RBFOX2: variants seen among roughly 807,000 people sequenced by gnomAD.
RBFOX2 encodes RNA binding fox-1 homolog 2.
In RBFOX2, 10 loss-of-function variants were observed where a neutral mutation model predicts 49.1. The ratio of observed to expected loss-of-function variants is 0.20; its 90% CI spans 0.13 to 0.35. The LOEUF is 0.35. Ranked by LOEUF, RBFOX2 falls within the 10% of genes least tolerant of loss-of-function variation. The pLI is 1.00. For synonymous variants in RBFOX2, 183 were observed against 187.4 expected (o/e 0.98, Z 0.19); for missense variants, 323 against 486.9 (o/e 0.66, Z 3.17).
At chr22:35,777,160 T>A (rs1211256580) in intron 4 of RBFOX2, among the ~76,000 whole-genome samples, 3 of 151,608 alleles carry the variant, frequency 2.0e-5, no homozygotes, top group African/African-American at 7.3e-5. Flanking sequence ...TACAGGCGTG[T>A]GCCACCAGGC....
chr22:35,894,978 TAA>T (rs397936423), intron 1 of RBFOX2, among the ~76,000 whole-genome samples: 4 of 135,598 alleles, frequency 2.9e-5, no homozygotes, highest in Admixed American at 7.3e-5. Flanking sequence ...TAAAAAATCC[TAA>T]AAAAAAAAAA....
chr22:35,889,161 G>C (rs1394078821), intron 1 of RBFOX2, among the ~76,000 whole-genome samples: 1 of 151,914 alleles, frequency 6.6e-6, no homozygotes, highest in South Asian at 2.1e-4. Context: ...TCTCAAAAAG[G>C]AAAAGAAAAG....
At chr22:35,885,191 C>G (rs1211174908) in intron 1 of RBFOX2, among the ~76,000 whole-genome samples, 1 of 151,992 alleles carries the variant, frequency 6.6e-6, no homozygotes, top group Non-Finnish European at 1.5e-5. Context: ...GAGGAGAACA[C>G]AGACACAGCA....
At chr22:36,012,009 T>C (rs1390379102) in intron 1 of RBFOX2, among the ~76,000 whole-genome samples, 1 of 152,174 alleles carries the variant, frequency 6.6e-6, no homozygotes, top group East Asian at 1.9e-4. Context: ...GATGATTTTA[T>C]ACTACCCACC....
chr22:35,797,210 A>G (rs887287302), intron 2 of RBFOX2, among the ~76,000 whole-genome samples: 2 of 152,140 alleles, frequency 1.3e-5, no homozygotes, highest in Non-Finnish European at 2.9e-5. Context: ...ATTTTTTGAA[A>G]TACATATATA....
chr22:35,827,091 T>A (rs913680528), intron 1 of RBFOX2, among the ~76,000 whole-genome samples: 2 of 152,252 alleles, frequency 1.3e-5, no homozygotes, highest in African/African-American at 4.8e-5. Context: ...TCTACTTATT[T>A]AGTTCTACAA....
chr22:35,928,115 C>G (rs1569494763), intron 1 of RBFOX2, among the ~76,000 whole-genome samples: 1 of 152,038 alleles, frequency 6.6e-6, no homozygotes, highest in Admixed American at 6.6e-5. Flanking sequence ...GGAATTATTC[C>G]TATTTCACAG....
chr22:35,849,154 TACA>T (rs1205847947), intron 1 of RBFOX2, among the ~76,000 whole-genome samples: 1 of 152,082 alleles, frequency 6.6e-6, no homozygotes, highest in Non-Finnish European at 1.5e-5. Context: ...TTCTGGAAAA[TACA>T]ACATTTGGAA....
rs1335661576 is a variant in RBFOX2 at position 35,951,080 on chromosome 22, G to A, written c.42+10483C>T. ...GCCATTCTCCTGCCTCAGCCTCCCA[G>A]GTAGCTGGGATTACAGGCGCGTGCC... On this transcript the variant is annotated intron_variant, in intron 1 of 5. Transcript: ENST00000408983. 7.6e-5 allele frequency among the ~76,000 whole-genome samples: 11 copies of A among 145,606 alleles called. No individual in the cohort carries two copies. The East Asian group carries it at 1.0e-3, about 14-fold the overall frequency.
chr22:35,963,182 G>C (rs999075067), upstream of RBFOX2, among the ~76,000 whole-genome samples: 1 of 148,630 alleles, frequency 6.7e-6, no homozygotes, highest in Non-Finnish European at 1.5e-5. Context: ...AAAGAGTCAA[G>C]ATGCCTCTAG....
chr22:35,989,724 G>C (rs186475220), intron 1 of RBFOX2, among the ~76,000 whole-genome samples: 1 of 152,246 alleles, frequency 6.6e-6, no homozygotes, highest in Non-Finnish European at 1.5e-5. Context: ...AGGACGAAAA[G>C]TGGCACTCAA....
chr22:35,858,761 G>C (rs2042797233), intron 1 of RBFOX2, among the ~76,000 whole-genome samples: 1 of 151,204 alleles, frequency 6.6e-6, no homozygotes, highest in Admixed American at 6.6e-5. Context: ...GGGAGGCGGA[G>C]GTGGCAGTGA....
chr22:35,755,361 G>A (rs918988253), intron 9 of RBFOX2, among the ~76,000 whole-genome samples: 1 of 152,152 alleles, frequency 6.6e-6, no homozygotes, highest in East Asian at 1.9e-4. Context: ...ACCAATCATG[G>A]AACTTTAGTG....
chr22:35,996,513 G>A (rs368896890), intron 1 of RBFOX2: 6 of 151,818 alleles, frequency 4.0e-5, no homozygotes, highest in Non-Finnish European at 7.3e-5. Flanking sequence ...GCTGAGGCAT[G>A]AGAATCACCT....
chr22:35,824,313 T>G (rs969412321), intron 1 of RBFOX2: 1 of 152,160 alleles, frequency 6.6e-6, no homozygotes, highest in Non-Finnish European at 1.5e-5. Context: ...AAACATCAAG[T>G]ATTTACCAGT....
chr22:35,883,730 T>C (rs1404975734), intron 1 of RBFOX2, among the ~76,000 whole-genome samples: 2 of 152,244 alleles, frequency 1.3e-5, no homozygotes, highest in Non-Finnish European at 2.9e-5. Context: ...TCTCAGTTCA[T>C]GAAACACACT....
rs187968649 is a variant in RBFOX2, at chr22:35,824,697, C to A, written c.28-14693G>T. 6.6e-5 allele frequency among the ~76,000 whole-genome samples: 10 copies of A among 152,256 alleles called. No homozygotes were observed. The East Asian group carries it at 9.6e-4, about 15-fold the overall frequency. On this transcript the variant is annotated intron_variant, in intron 1 of 11. Coordinates refer to ENST00000405409, the Ensembl canonical transcript of RBFOX2. ...TACCTGAAACCAGCTAACAAAAGAACCAAAAACAAGCCATCCATATTTTAA... is the reference window on the plus strand; with the variant it reads ...TACCTGAAACCAGCTAACAAAAGAAACAAAAACAAGCCATCCATATTTTAA...
chr22:35,946,984 G>T (rs1191620510), intron 1 of RBFOX2, among the ~76,000 whole-genome samples: 1 of 152,186 alleles, frequency 6.6e-6, no homozygotes, highest in East Asian at 1.9e-4. Context: ...CTGAGGTCAG[G>T]AGTTCGAGAC....
chr22:35,838,526 C>A (rs1179033718), intron 1 of RBFOX2, among the ~76,000 whole-genome samples: 1 of 152,160 alleles, frequency 6.6e-6, no homozygotes, highest in Non-Finnish European at 1.5e-5. Context: ...TCCCCAGCGT[C>A]TGGCATTCCA....
Sources: gnomAD v4.1 joint callset for allele counts (sites outside exome capture counted in the v4.1 genomes callset) on GRCh38, gnomAD v4.1.1 for gene constraint, MANE v1.5 for transcripts, NCBI Gene and HGNC (gene_info 2026-07-23, HGNC 2026-07-21) for gene names.